CCDC158: variants seen among roughly 807,000 people sequenced by gnomAD.
CCDC158 encodes coiled-coil domain-containing protein 158.
Under a neutral mutation model 138.6 loss-of-function variants are expected in CCDC158, and 116 were observed. That is an observed-to-expected ratio of 0.84 (90% CI 0.72 to 0.98). The LOEUF is 0.98. CCDC158 is among the 50% of genes least tolerant of loss of function. The pLI is 0.00. For synonymous variants in CCDC158, 436 were observed against 442.4 expected (o/e 0.99, Z 0.18); for missense variants, 1,265 against 1,306.1 (o/e 0.97, Z 0.48).
chr4:76,347,164 A>AT (rs1326829892), intron 18 of CCDC158, among the ~76,000 whole-genome samples: 2 of 152,184 alleles, frequency 1.3e-5, no homozygotes, highest in Admixed American at 1.3e-4. Context: ...TGACCTAGCA[A>AT]TCCCATTACT....
intron 13 of CCDC158, among the ~76,000 whole-genome samples, chr4:76,358,947 C>T (rs764738830): frequency 1.1e-4 from 17 of 152,178 alleles, no homozygotes; most frequent in Non-Finnish European, 1.9e-4. Context: ...TGACCCAAAT[C>T]GCATGTCCTG....
chr4:76,352,330 C>A (rs369239249), intron 16 of CCDC158: 1 of 152,402 alleles, frequency 6.6e-6, no homozygotes, highest in South Asian at 2.1e-4. Context: ...TCGTTTGAAC[C>A]CGGGAGGCGG....
At chr4:76,378,823 A>G (rs1293458390) in intron 9 of CCDC158, among the ~76,000 whole-genome samples, 1 of 152,244 alleles carries the variant, frequency 6.6e-6, no homozygotes, top group African/African-American at 2.4e-5. Context: ...TGATGATGAG[A>G]GATGACTTAT....
chr4:76,345,700 A>G, intron 18 of CCDC158: 1 of 614,392 alleles, frequency 1.6e-6, no homozygotes, highest in South Asian at 1.8e-5. Flanking sequence ...GTTTAAAATT[A>G]TGTGAATAAA....
chr4:76,382,614 T>C lies in CCDC158; in HGVS notation c.910A>G (p.Ile304Val), dbSNP rs201564196. 71 of 1,591,954 alleles carry C rather than the reference T, an allele frequency of 4.5e-5. 1 individual carries two copies. Among genetic ancestry groups the C allele is most frequent in the Non-Finnish European group, 6.0e-5 (70 of 1,160,586 alleles). Residue 304 changes from isoleucine to valine, a missense_variant, in exon 8 of 25, where the codon ATT (isoleucine) becomes GTT (valine). Transcript: ENST00000682701. ...ANSIQSQMEI[I>V]QEQARNQNSM... ...TAACAGTTTCAAACCACATACTGAATGATTTCCATTTGACTCTGGATACTA... is the reference window on the plus strand; with the variant it reads ...TAACAGTTTCAAACCACATACTGAACGATTTCCATTTGACTCTGGATACTA...
chr4:76,362,973 T>C (rs866451495), intron 12 of CCDC158, among the ~76,000 whole-genome samples: 25 of 152,284 alleles, frequency 1.6e-4, no homozygotes, highest in Admixed American at 1.0e-3. Context: ...AGAGTTCACA[T>C]AGCAGGTTTG....
At chr4:76,354,233 C>CAAAAAAA (rs749565764) in intron 15 of CCDC158, among the ~76,000 whole-genome samples, 116 of 63,704 alleles carry the variant, frequency 1.8e-3, no homozygotes, top group Middle Eastern at 0.014. Flanking sequence ...TTCCCAAAGG[C>CAAAAAAA]AAAAAAAAAA....
intron 18 of CCDC158, among the ~76,000 whole-genome samples, chr4:76,349,455 G>A (rs1722856978): frequency 6.6e-6 from 1 of 152,136 alleles, no homozygotes; most frequent in African/African-American, 2.4e-5. Flanking sequence ...GATTGCTTGA[G>A]CCCAGGAGTT....
chr4:76,331,906 T>A (rs1389189284), intron 20 of CCDC158, among the ~76,000 whole-genome samples: 2 of 152,208 alleles, frequency 1.3e-5, no homozygotes, highest in Admixed American at 1.3e-4. Context: ...TTAGCCTTTT[T>A]TCTTTTTTGG....
At chr4:76,343,047 C>T (rs1722208889) in intron 18 of CCDC158, among the ~76,000 whole-genome samples, 1 of 152,158 alleles carries the variant, frequency 6.6e-6, no homozygotes, top group South Asian at 2.1e-4. Flanking sequence ...TAAGGTTGAA[C>T]CAAAGGACTT....
Position 76,350,079 on chromosome 4 carries a change from A to T in CCDC158, c.2664+917T>A, listed in dbSNP as rs553480176. ...ATCAATGGAACATGTACATATTTTTAAAAATAAAATGATTTCATAACACTT... is the reference window on the plus strand; with the variant it reads ...ATCAATGGAACATGTACATATTTTTTAAAATAAAATGATTTCATAACACTT... On this transcript the variant is annotated intron_variant, in intron 18 of 24. Coordinates refer to ENST00000682701, the MANE Select transcript of CCDC158 (RefSeq NM_001394954.1). Among the ~76,000 whole-genome samples the T allele has an allele frequency of 7.9e-5, 12 of 152,350 alleles. No individual in the cohort carries two copies. The East Asian group carries it at 2.3e-3, about 29-fold the overall frequency.
At chr4:76,385,524 G>T (rs28479143) in intron 4 of CCDC158, among the ~76,000 whole-genome samples, 1 of 152,042 alleles carries the variant, frequency 6.6e-6, no homozygotes. Context: ...TGGTTGTAAA[G>T]AAAAAAGTTC....
intron 9 of CCDC158, among the ~76,000 whole-genome samples, chr4:76,373,543 A>G (rs555694563): frequency 6.6e-6 from 1 of 152,282 alleles, no homozygotes; most frequent in Admixed American, 6.5e-5. Context: ...AGAACTTTCT[A>G]GTTTTACTAT....
intron 4 of CCDC158, among the ~76,000 whole-genome samples, chr4:76,384,943 A>G (rs16996346): frequency 0.029 from 4,485 of 152,306 alleles, 222 homozygotes; most frequent in African/African-American, 0.1. Context: ...ATGGAGATAG[A>G]AATACATTTT....
At chr4:76,339,078 T>C (rs561737183) in intron 18 of CCDC158, among the ~76,000 whole-genome samples, 30 of 152,240 alleles carry the variant, frequency 2.0e-4, no homozygotes, top group African/African-American at 6.5e-4. Context: ...GGCTATCCAA[T>C]GAAACCATGA....
At chr4:76,360,307 T>C (rs138247892) in intron 13 of CCDC158, among the ~76,000 whole-genome samples, 3,902 of 152,288 alleles carry the variant, frequency 0.026, 82 homozygotes, top group Non-Finnish European at 0.038. Context: ...ACTAGGGTAG[T>C]GCAGAGGGGA....
chr4:76,389,203 A>T (rs1727091923), intron 4 of CCDC158, among the ~76,000 whole-genome samples: 1 of 152,116 alleles, frequency 6.6e-6, no homozygotes, highest in Non-Finnish European at 1.5e-5. Flanking sequence ...AAATTCAAGG[A>T]AATTAAAGAC....
At position 76,384,636 on chromosome 4, in the gene CCDC158, A is replaced by G. The variant is rs1726616259; in HGVS notation, c.318T>C (p.Phe106=). Residue 106 remains phenylalanine (F), a synonymous_variant, in exon 5 of 25, where the codon TTT becomes TTC. Coordinates refer to ENST00000682701, the MANE Select transcript of CCDC158 (RefSeq NM_001394954.1). ...AATCAATGACTGACTGCCTCAAATA[A>G]AACTTTTGTTTCTCATGCAATTCAT... ...ESNELHEKQK[F]YLRQSVIDLQ... 1 of 1,613,352 alleles carries G rather than the reference A, an allele frequency of 6.2e-7. No homozygotes were observed. Among genetic ancestry groups the G allele is most frequent in the African/African-American group, 1.3e-5 (1 of 74,896 alleles).
chr4:76,383,751 A>G lies in CCDC158; in HGVS notation c.727-13T>C. On this transcript the variant is annotated splice_polypyrimidine_tract_variant and intron_variant, in intron 6 of 24. Coordinates refer to ENST00000682701, the MANE Select transcript of CCDC158 (RefSeq NM_001394954.1). ...GTTGATCCTCTACCTGGTTTTTAAA[A>G]AGAGACACTGATTTAGTTACTGGTA... The G allele has an allele frequency of 6.3e-7, 1 of 1,591,950 alleles. No individual in the cohort carries two copies. The highest frequency in any genetic ancestry group is 8.6e-7 in the Non-Finnish European group (1 of 1,160,074).
Sources: allele counts gnomAD v4.1 joint callset (sites outside exome capture counted in the v4.1 genomes callset), GRCh38; gene constraint gnomAD v4.1.1; transcripts MANE v1.5; gene names NCBI Gene and HGNC (gene_info 2026-07-23, HGNC 2026-07-21).